Variants in CTNND2 observed in about 807,000 individuals in gnomAD.
The protein encoded by CTNND2 is catenin delta 2.
Under a neutral mutation model 144.4 loss-of-function variants are expected in CTNND2, and 22 were observed. The ratio of observed to expected loss-of-function variants is 0.15; its 90% CI spans 0.11 to 0.22. The LOEUF (loss-of-function observed/expected upper bound fraction) is 0.22. Ranked by LOEUF, CTNND2 falls within the 10% of genes least tolerant of loss-of-function variation. CTNND2 has a pLI of 1.00. For missense variants in CTNND2, 1,353 were observed against 1,618.8 expected (o/e 0.84, Z 2.82); for synonymous variants, 751 against 695.6 (o/e 1.08, Z -1.25).
intron 9 of CTNND2, among the ~76,000 whole-genome samples, chr5:11,249,001 GGTCTAATTTGGCCTAACATTT>G (rs1743297159): frequency 6.6e-6 from 1 of 152,164 alleles, no homozygotes; most frequent in Non-Finnish European, 1.5e-5. Context: ...AACAAAATGT[GGTCTAATTTGGCCTAACATTT>G]GGTCGCTGTG....
chr5:11,787,255 C>T (rs1220181769), intron 1 of CTNND2, among the ~76,000 whole-genome samples: 1 of 152,182 alleles, frequency 6.6e-6, no homozygotes, highest in Non-Finnish European at 1.5e-5. Flanking sequence ...CGCATGTGCA[C>T]AACTAGTTTG....
chr5:11,563,812 T>C (rs1776861153), intron 3 of CTNND2, among the ~76,000 whole-genome samples: 1 of 152,066 alleles, frequency 6.6e-6, no homozygotes, highest in Admixed American at 6.5e-5. Context: ...ATGCTGCAAT[T>C]ACAAAGTTAT....
intron 2 of CTNND2, among the ~76,000 whole-genome samples, chr5:11,658,588 G>GA (rs138519820): frequency 0.012 from 1,796 of 152,024 alleles, 28 homozygotes; most frequent in African/African-American, 0.042. Context: ...TCACTAAACT[G>GA]AAAAAAACTG....
At chr5:11,902,432 G>A (rs1256237539) in intron 1 of CTNND2, among the ~76,000 whole-genome samples, 2 of 152,164 alleles carry the variant, frequency 1.3e-5, no homozygotes. Flanking sequence ...TAGAAGTGGT[G>A]CAGCCCCGAA....
intron 9 of CTNND2, among the ~76,000 whole-genome samples, chr5:11,277,858 T>C (rs1746706436): frequency 6.6e-6 from 1 of 152,090 alleles, no homozygotes; most frequent in South Asian, 2.1e-4. Flanking sequence ...CTGTCTGACT[T>C]GGGAAACAAC....
intron 2 of CTNND2, among the ~76,000 whole-genome samples, chr5:11,642,414 A>C (rs78707024): frequency 0.016 from 2,386 of 152,324 alleles, 54 homozygotes; most frequent in African/African-American, 0.053. Context: ...GAGTCAAAGT[A>C]GGTGCTTTGA....
chr5:11,797,115 T>C (rs1398674166), intron 1 of CTNND2, among the ~76,000 whole-genome samples: 1 of 152,196 alleles, frequency 6.6e-6, no homozygotes, highest in Non-Finnish European at 1.5e-5. Flanking sequence ...AAAGGTTTCT[T>C]TGACATTGAG....
In CTNND2 at chr5:11,414,995, T is replaced by C. The variant is rs577709186; in HGVS notation, c.288-2926A>G. Among the ~76,000 whole-genome samples, 24 of 152,360 alleles carry C rather than the reference T, an allele frequency of 1.6e-4. 1 individual carries two copies. In the South Asian group the frequency reaches 5.0e-3, roughly 32 times the overall value. On this transcript the variant is annotated intron_variant, in intron 3 of 21. Coordinates refer to ENST00000304623, the MANE Select transcript of CTNND2 (RefSeq NM_001332.4). ...TGTACCACATCTTCTTTAATCAGCC[T>C]ATCATTGATGGGCATTTAGGTTGAT... is the stretch of plus-strand genomic sequence containing the variant.
chr5:11,295,320 A>G (rs764128736), intron 9 of CTNND2, among the ~76,000 whole-genome samples: 5 of 152,346 alleles, frequency 3.3e-5, no homozygotes, highest in Non-Finnish European at 7.3e-5. Flanking sequence ...CCACTGCTCG[A>G]TGAAATAAAA....
At chr5:11,814,155 T>C (rs1216795108) in intron 1 of CTNND2, among the ~76,000 whole-genome samples, 1 of 152,252 alleles carries the variant, frequency 6.6e-6, no homozygotes, top group Non-Finnish European at 1.5e-5. Flanking sequence ...AAGTCAAATA[T>C]TCAAAGTTCA....
At chr5:11,155,083 C>T (rs1200396533) in intron 12 of CTNND2, among the ~76,000 whole-genome samples, 1 of 152,184 alleles carries the variant, frequency 6.6e-6, no homozygotes, top group African/African-American at 2.4e-5. Flanking sequence ...AAGATTTATT[C>T]AACACACCGC....
chr5:11,414,263 G>T (rs1761755690), intron 3 of CTNND2, among the ~76,000 whole-genome samples: 1 of 152,050 alleles, frequency 6.6e-6, no homozygotes, highest in Non-Finnish European at 1.5e-5. Flanking sequence ...TGAACTTTTG[G>T]TCTCCAAAAC....
At chr5:11,038,051 C>T (rs1243182938) in intron 16 of CTNND2, among the ~76,000 whole-genome samples, 1 of 152,020 alleles carries the variant, frequency 6.6e-6, no homozygotes, top group Non-Finnish European at 1.5e-5. Context: ...AATGACCATG[C>T]CAGAGATGTT....
At chr5:11,142,833 C>T (rs977855056) in intron 12 of CTNND2, among the ~76,000 whole-genome samples, 7 of 151,960 alleles carry the variant, frequency 4.6e-5, no homozygotes, top group Admixed American at 2.0e-4. Context: ...AGGATGGTCT[C>T]GATCTCCTGA....
chr5:11,672,252 A>G (rs912799374), intron 2 of CTNND2, among the ~76,000 whole-genome samples: 1 of 152,192 alleles, frequency 6.6e-6, no homozygotes, highest in Admixed American at 6.5e-5. Context: ...GTCAGGATAC[A>G]CAAGGGTCAG....
chr5:11,146,712 T>A (rs1392239232), intron 12 of CTNND2, among the ~76,000 whole-genome samples: 1 of 152,136 alleles, frequency 6.6e-6, no homozygotes, highest in Non-Finnish European at 1.5e-5. Context: ...AAGGGCAACA[T>A]GAGCACATCG....
chr5:11,079,505 T>C (rs1407677474), intron 16 of CTNND2, among the ~76,000 whole-genome samples: 2 of 152,212 alleles, frequency 1.3e-5, no homozygotes, highest in Non-Finnish European at 2.9e-5. Flanking sequence ...CAATCAGCCT[T>C]GGCCTTGGCA....
chr5:11,278,057 A>G (rs1050537096), intron 9 of CTNND2, among the ~76,000 whole-genome samples: 2 of 152,096 alleles, frequency 1.3e-5, no homozygotes, highest in African/African-American at 4.8e-5. Flanking sequence ...GCTCCAACAC[A>G]TTCTCTAAAA....
At chr5:11,077,942 G>A (rs1422659391) in intron 16 of CTNND2, among the ~76,000 whole-genome samples, 1 of 150,540 alleles carries the variant, frequency 6.6e-6, no homozygotes, top group Non-Finnish European at 1.5e-5. Flanking sequence ...GTCATTTTCT[G>A]GGGGAATACT....
Sources: gnomAD v4.1 joint callset for allele counts (sites outside exome capture counted in the v4.1 genomes callset) on GRCh38, gnomAD v4.1.1 for gene constraint, MANE v1.5 for transcripts, NCBI Gene and HGNC (gene_info 2026-07-23, HGNC 2026-07-21) for gene names.